The following CSMD1 variants were observed in gnomAD, a reference collection of about 807,000 sequenced individuals.
CSMD1 encodes the protein CUB and sushi domain-containing protein 1.
A neutral mutation model predicts 417.5 loss-of-function variants in CSMD1; 213 were observed. That is an observed-to-expected ratio of 0.51 (90% CI 0.46 to 0.57). The LOEUF is 0.57. Ranked by LOEUF, CSMD1 falls within the 20% of genes least tolerant of loss-of-function variation. The probability of loss-of-function intolerance (pLI) is 0.00; values close to 1 mark genes in which losing one functional copy is unlikely to be tolerated. For synonymous variants in CSMD1, 2,862 were observed against 1,736.8 expected, an observed-to-expected ratio of 1.65 and a Z score of -16.11; for missense variants, 6,923 against 4,529.7, an observed-to-expected ratio of 1.53 and a Z score of -15.17.
At chr8:3,162,862 T>C (rs1346790174) in intron 37 of CSMD1, among the ~76,000 whole-genome samples, 1 of 152,190 alleles carries the variant, frequency 6.6e-6, no homozygotes, top group East Asian at 1.9e-4. Context: ...TCCTGCACTT[T>C]CCTAGATGAA....
chr8:4,721,462 G>C (rs893429907), intron 1 of CSMD1, among the ~76,000 whole-genome samples: 1 of 152,142 alleles, frequency 6.6e-6, no homozygotes, highest in Non-Finnish European at 1.5e-5. Context: ...TATTCTGGAA[G>C]ATGCTCAACA....
chr8:4,434,911 ACT>A (rs1798070516), intron 2 of CSMD1, among the ~76,000 whole-genome samples: 1 of 152,250 alleles, frequency 6.6e-6, no homozygotes, highest in South Asian at 2.1e-4. Context: ...TCAGCACATG[ACT>A]CTGCATGACA....
chr8:4,316,064 T>G (rs556191660), intron 3 of CSMD1, among the ~76,000 whole-genome samples: 297 of 152,274 alleles, frequency 2.0e-3, no homozygotes, highest in Non-Finnish European at 3.5e-3. Flanking sequence ...TATGAATCCT[T>G]GAGTAGAAAA....
chr8:3,696,655 A>G (rs1289639773), intron 7 of CSMD1, among the ~76,000 whole-genome samples: 1 of 152,236 alleles, frequency 6.6e-6, no homozygotes, highest in Middle Eastern at 3.2e-3. Flanking sequence ...GATGCACATT[A>G]AAGCTCATCC....
chr8:3,428,092 AT>A (rs1211382146), intron 12 of CSMD1, among the ~76,000 whole-genome samples: 13 of 152,234 alleles, frequency 8.5e-5, no homozygotes, highest in Admixed American at 8.5e-4. Flanking sequence ...AATAGCTATT[AT>A]TCTTACAGCA....
At chr8:3,279,625 A>G (rs537944063) in intron 26 of CSMD1, among the ~76,000 whole-genome samples, 2 of 152,274 alleles carry the variant, frequency 1.3e-5, no homozygotes, top group African/African-American at 4.8e-5. Flanking sequence ...GCTAATAAAA[A>G]CATACCTGAG....
chr8:4,532,071 T>C (rs2130463046), intron 2 of CSMD1, among the ~76,000 whole-genome samples: 1 of 131,876 alleles, frequency 7.6e-6, no homozygotes, highest in Non-Finnish European at 1.6e-5. Flanking sequence ...TCCCGCACCC[T>C]CATTCACAGT....
At chr8:4,774,259 G>C (rs1242633188) in intron 1 of CSMD1, among the ~76,000 whole-genome samples, 3 of 151,986 alleles carry the variant, frequency 2.0e-5, no homozygotes, top group African/African-American at 7.2e-5. Context: ...TTTGCGAATG[G>C]GGCAATGTTA....
intron 3 of CSMD1, among the ~76,000 whole-genome samples, chr8:4,309,538 T>A (rs1219750495): frequency 6.6e-6 from 1 of 152,106 alleles, no homozygotes; most frequent in African/African-American, 2.4e-5. Flanking sequence ...ACAGACAAAG[T>A]ATAAATCATA....
chr8:3,367,940 T>C (rs902077323), intron 19 of CSMD1, among the ~76,000 whole-genome samples: 1 of 152,188 alleles, frequency 6.6e-6, no homozygotes. Context: ...AGGTGTCCTT[T>C]AGAAAAATCT....
At chr8:3,294,987 T>C (rs1803857790) in intron 25 of CSMD1, among the ~76,000 whole-genome samples, 1 of 152,188 alleles carries the variant, frequency 6.6e-6, no homozygotes, top group Non-Finnish European at 1.5e-5. Flanking sequence ...TTTATATTTT[T>C]AGAAGCTTCA....
At chr8:4,033,130 G>GAAAAAAAAAA (rs58668077) in intron 3 of CSMD1, among the ~76,000 whole-genome samples, 1 of 80,652 alleles carries the variant, frequency 1.2e-5, no homozygotes, top group Admixed American at 1.7e-4. Flanking sequence ...TTTCCAATAT[G>GAAAAAAAAAA]AAAAAAAAAA....
intron 3 of CSMD1, among the ~76,000 whole-genome samples, chr8:4,327,262 A>G (rs544453424): frequency 1.3e-5 from 2 of 152,312 alleles, no homozygotes; most frequent in South Asian, 2.1e-4. Flanking sequence ...CGTCCATTTT[A>G]CAGTCAATTG....
chr8:2,969,349 A>C (rs1804238153), intron 57 of CSMD1, among the ~76,000 whole-genome samples: 3 of 152,138 alleles, frequency 2.0e-5, no homozygotes, highest in African/African-American at 7.2e-5. Context: ...GAAACTAAAT[A>C]TTTTAGTTAT....
At chr8:4,874,027 A>G (rs923740130) in intron 1 of CSMD1, among the ~76,000 whole-genome samples, 1 of 152,180 alleles carries the variant, frequency 6.6e-6, no homozygotes, top group Admixed American at 6.5e-5. Context: ...TGATTAGTCT[A>G]TCATCTATCT....
At chr8:4,577,921 A>C (rs907663873) in intron 2 of CSMD1, among the ~76,000 whole-genome samples, 3 of 152,240 alleles carry the variant, frequency 2.0e-5, no homozygotes, top group African/African-American at 7.2e-5. Flanking sequence ...AACAAGCCTT[A>C]GTGCAATTAT....
chr8:4,540,315 C>T (rs117352361), intron 2 of CSMD1, among the ~76,000 whole-genome samples: 2 of 152,278 alleles, frequency 1.3e-5, no homozygotes, highest in East Asian at 1.9e-4. Flanking sequence ...GAAATCACCA[C>T]TAAAAAACTT....
intron 3 of CSMD1, among the ~76,000 whole-genome samples, chr8:4,177,001 G>C (rs1026544612): frequency 6.6e-6 from 1 of 151,940 alleles, no homozygotes; most frequent in Non-Finnish European, 1.5e-5. Flanking sequence ...ACACCCCACT[G>C]TCAACATTAG....
chr8:4,585,498 A>G (rs1043101242), intron 2 of CSMD1, among the ~76,000 whole-genome samples: 1 of 152,206 alleles, frequency 6.6e-6, no homozygotes, highest in Admixed American at 6.5e-5. Flanking sequence ...AATGGAATGA[A>G]AGAAGTATTT....
Sources: allele counts gnomAD v4.1 joint callset (sites outside exome capture counted in the v4.1 genomes callset), GRCh38; gene constraint gnomAD v4.1.1; transcripts MANE v1.5; gene names NCBI Gene and HGNC (gene_info 2026-07-23, HGNC 2026-07-21).